Variants in CCDC69 observed in about 807,000 individuals in gnomAD.
CCDC69 encodes the protein coiled-coil domain containing 69.
CCDC69 carries 38 observed loss-of-function variants against 40.3 expected under a neutral mutation model. The ratio of observed to expected loss-of-function variants is 0.94; its 90% CI spans 0.73 to 1.24. The LOEUF (loss-of-function observed/expected upper bound fraction) is 1.24, where lower values mean the gene tolerates loss of function less well. Ranked by LOEUF, CCDC69 falls within the 50% of genes most tolerant of loss-of-function variation. The probability of loss-of-function intolerance (pLI) is 0.00; values close to 1 mark genes in which losing one functional copy is unlikely to be tolerated. For missense variants in CCDC69, 389 were observed against 357.9 expected (o/e 1.09, Z -0.70); for synonymous variants, 141 against 138.9 (o/e 1.02, Z -0.11).
At chr5:151,202,916 T>C (rs941610304) in intron 2 of CCDC69, among the ~76,000 whole-genome samples, 2 of 152,044 alleles carry the variant, frequency 1.3e-5, no homozygotes, top group African/African-American at 4.8e-5. Context: ...CAGGAAACAA[T>C]GGCAATAAAA....
At position 151,183,036 on chromosome 5, in the gene CCDC69, G is replaced by T; in HGVS notation, c.*401C>A. On this transcript the variant is annotated 3_prime_UTR_variant, in exon 9 of 9. Transcript: ENST00000355417. ...GGCCAGGGTGGAGTGGAAACACCTA[G>T]AGGAAGTTGATAAGTCAGCAAGTCG... 2.2e-6 allele frequency: 1 copy of T among 464,070 alleles called. No individual in the cohort carries two copies. Among genetic ancestry groups the T allele is most frequent in the African/African-American group, 2.0e-5 (1 of 50,570 alleles). The allele number at this position is 464,070 out of a possible 1,614,324, so 28.7% of individuals were successfully genotyped here.
Position 151,183,579 on chromosome 5 carries a change from G to C in CCDC69, c.749C>G (p.Ala250Gly). ...CCGCAGCTGCACCTCCTTCTCCAGG[G>C]CCTCACGCGTGAGAAGCAGGTCTTC... ...LSEDLLLTRE[A>G]LEKEVQLRRQ... Residue 250 changes from alanine (A) to glycine (G), a missense_variant, in exon 9 of 9, where the codon GCC (alanine) becomes GGC (glycine). Transcript: ENST00000355417. 1 of 1,612,498 alleles carries C rather than the reference G, an allele frequency of 6.2e-7. No individual in the cohort carries two copies. The highest frequency in any genetic ancestry group is 2.2e-5 in the East Asian group (1 of 44,830).
At chr5:151,193,913 A>T (rs1023935213) in intron 4 of CCDC69, among the ~76,000 whole-genome samples, 11 of 152,264 alleles carry the variant, frequency 7.2e-5, no homozygotes, top group African/African-American at 2.7e-4. Context: ...GTTAATTTAA[A>T]TGGGAAAAAG....
chr5:151,219,069 G>C (rs1208933314), intron 1 of CCDC69, among the ~76,000 whole-genome samples: 1 of 152,206 alleles, frequency 6.6e-6, no homozygotes, highest in African/African-American at 2.4e-5. Context: ...GTGGGCATTA[G>C]TTTCTAGGTT....
intron 1 of CCDC69, among the ~76,000 whole-genome samples, chr5:151,217,382 CA>C (rs1240984486): frequency 6.6e-6 from 1 of 151,944 alleles, no homozygotes; most frequent in Non-Finnish European, 1.5e-5. Context: ...TTCTTGCTGT[CA>C]TTTTTGATTG....
intron 4 of CCDC69, among the ~76,000 whole-genome samples, chr5:151,191,229 T>C (rs184985520): frequency 1.9e-4 from 29 of 152,318 alleles, no homozygotes; most frequent in Admixed American, 3.9e-4. Context: ...ATAGTAGCTA[T>C]ATGATTTGCA....
chr5:151,185,549 G>C lies in CCDC69; in HGVS notation c.496-8C>G. 2 of 1,613,736 alleles carry C rather than the reference G, an allele frequency of 1.2e-6. No homozygotes were observed. The highest frequency in any genetic ancestry group is 1.7e-6 in the Non-Finnish European group (2 of 1,179,804). On this transcript the variant is annotated splice_region_variant and splice_polypyrimidine_tract_variant and intron_variant, in intron 6 of 8. Transcript: ENST00000355417. Reference sequence around the variant, plus strand: ...GCTGGGGCTCCCATAATCCTAGACAGGGACAGAGTGACCTCATTAGGCCAG... The same window carrying C: ...GCTGGGGCTCCCATAATCCTAGACACGGACAGAGTGACCTCATTAGGCCAG...
intron 4 of CCDC69, among the ~76,000 whole-genome samples, chr5:151,192,087 GAA>G (rs34310340): frequency 8.2e-4 from 32 of 38,800 alleles, no homozygotes; most frequent in Admixed American, 1.7e-3. Flanking sequence ...CCTGTCTCAG[GAA>G]AAAAAAAAAA....
chr5:151,194,428 A>G (rs1733890743), intron 4 of CCDC69, among the ~76,000 whole-genome samples: 1 of 152,244 alleles, frequency 6.6e-6, no homozygotes, highest in Non-Finnish European at 1.5e-5. Context: ...ATCATATTGT[A>G]TTATTTCATT....
At chr5:151,210,930 T>G (rs1752936632) in intron 1 of CCDC69, 1 of 152,172 alleles carries the variant, frequency 6.6e-6, no homozygotes, top group Admixed American at 6.5e-5. Context: ...ATTGGGCCAC[T>G]GCACTCCACC....
intron 1 of CCDC69, among the ~76,000 whole-genome samples, chr5:151,221,048 G>A (rs1753127835): frequency 6.6e-6 from 1 of 152,106 alleles, no homozygotes; most frequent in Non-Finnish European, 1.5e-5. Flanking sequence ...AGCCTGCCAG[G>A]AACCCTATTC....
chr5:151,207,826 C>T (rs1321941877), intron 1 of CCDC69, among the ~76,000 whole-genome samples: 4 of 151,648 alleles, frequency 2.6e-5, no homozygotes, highest in African/African-American at 7.3e-5. Context: ...AAATTTAAGC[C>T]CTTTTGTATG....
chr5:151,223,935 T>G lies in CCDC69; in HGVS notation c.36A>C (p.Lys12Asn), dbSNP rs761854152. 1.3e-5 allele frequency: 20 copies of G among 1,581,032 alleles called. No homozygotes were observed. The highest frequency in any genetic ancestry group is 1.6e-5 in the Non-Finnish European group (19 of 1,166,370). ...CGGCGCCCTTTACCTTTTTCGGGGG[T>G]TTGCAGCTGCTCAGCCTGCTGTGTC... is the stretch of plus-strand genomic sequence containing the variant. ...GCRHSRLSSC[K>N]PPKKKRQEPE... Residue 12 changes from lysine (K) to asparagine (N), a missense_variant, in exon 1 of 9, where the codon AAA becomes AAC. Transcript: ENST00000355417.
intron 4 of CCDC69, among the ~76,000 whole-genome samples, chr5:151,193,851 C>T (rs570834544): frequency 3.3e-5 from 5 of 152,154 alleles, no homozygotes; most frequent in Non-Finnish European, 7.4e-5. Context: ...ACAAAGAACT[C>T]TTGTCCAAAA....
chr5:151,187,322 T>C, intron 5 of CCDC69, 64 bp downstream of exon 5: 2 of 1,477,464 alleles, frequency 1.4e-6, no homozygotes, highest in South Asian at 1.1e-5. Flanking sequence ...TGGGGCTCCA[T>C]GCTGCTTTCC....
chr5:151,196,938 G>A (rs1357233902), intron 4 of CCDC69, among the ~76,000 whole-genome samples: 1 of 152,230 alleles, frequency 6.6e-6, no homozygotes, highest in Non-Finnish European at 1.5e-5. Context: ...TATTTACAGT[G>A]GCTAAATGGT....
chr5:151,222,594 T>C (rs1241095781), intron 1 of CCDC69, among the ~76,000 whole-genome samples: 1 of 152,162 alleles, frequency 6.6e-6, no homozygotes, highest in Non-Finnish European at 1.5e-5. Flanking sequence ...GGTCACCCAG[T>C]ATGTTTATGG....
chr5:151,208,119 C>T (rs895342838), intron 1 of CCDC69, among the ~76,000 whole-genome samples: 22 of 152,070 alleles, frequency 1.4e-4, no homozygotes, highest in African/African-American at 3.9e-4. Context: ...GGTGTGGTGG[C>T]GCACACCTGT....
intron 4 of CCDC69, among the ~76,000 whole-genome samples, chr5:151,189,609 A>T (rs560886435): frequency 6.6e-6 from 1 of 152,304 alleles, no homozygotes; most frequent in East Asian, 1.9e-4. Flanking sequence ...TATTCCACAA[A>T]CTTGCCAAAA....
Sources: gnomAD v4.1 joint callset for allele counts (sites outside exome capture counted in the v4.1 genomes callset) on GRCh38, gnomAD v4.1.1 for gene constraint, MANE v1.5 for transcripts, NCBI Gene and HGNC (gene_info 2026-07-23, HGNC 2026-07-21) for gene names.